The following HPCAL1 variants were observed in gnomAD, a reference collection of about 807,000 sequenced individuals.
HPCAL1 encodes hippocalcin-like protein 1.
A neutral mutation model predicts 17.1 loss-of-function variants in HPCAL1; 8 were observed. The observed-to-expected ratio is 0.47, with a 90% CI of 0.27 to 0.84. The LOEUF (loss-of-function observed/expected upper bound fraction) is 0.84, where lower values mean the gene tolerates loss of function less well. HPCAL1 is among the 40% of genes least tolerant of loss of function. The probability of loss-of-function intolerance (pLI) is 0.13; values close to 1 mark genes in which losing one functional copy is unlikely to be tolerated. For synonymous variants in HPCAL1, 112 were observed against 111.4 expected (o/e 1.01, Z -0.03); for missense variants, 165 against 271.1 (o/e 0.61, Z 2.75).
chr2:10,326,694 C>G (rs112365838), intron 1 of HPCAL1, among the ~76,000 whole-genome samples: 1 of 152,160 alleles, frequency 6.6e-6, no homozygotes, highest in African/African-American at 2.4e-5. Context: ...TTCTGTCCAG[C>G]GCCCCTGGTC....
intron 1 of HPCAL1, among the ~76,000 whole-genome samples, chr2:10,340,338 A>G (rs1033876196): frequency 6.6e-6 from 1 of 152,172 alleles, no homozygotes; most frequent in Non-Finnish European, 1.5e-5. Context: ...CTTTCTAACC[A>G]TGTAAGGTGT....
chr2:10,332,564 G>A (rs1664452232), intron 1 of HPCAL1, among the ~76,000 whole-genome samples: 1 of 152,146 alleles, frequency 6.6e-6, no homozygotes, highest in African/African-American at 2.4e-5. Context: ...TGGGCTGCAG[G>A]CTTGGAGGAA....
chr2:10,406,788 G>A (rs978009928), intron 2 of HPCAL1, among the ~76,000 whole-genome samples: 3 of 152,226 alleles, frequency 2.0e-5, no homozygotes, highest in Non-Finnish European at 4.4e-5. Context: ...TGGGTCGGGG[G>A]TTGCTTTCAG....
At chr2:10,418,185 G>C (rs1670792840) in intron 2 of HPCAL1, among the ~76,000 whole-genome samples, 1 of 152,146 alleles carries the variant, frequency 6.6e-6, no homozygotes, top group South Asian at 2.1e-4. Flanking sequence ...GAGAGGCCAA[G>C]GCAGGCGAAT....
intron 1 of HPCAL1, among the ~76,000 whole-genome samples, chr2:10,382,435 T>G (rs543801846): frequency 6.6e-6 from 1 of 151,972 alleles, no homozygotes; most frequent in Non-Finnish European, 1.5e-5. Context: ...ACCTACGGAC[T>G]TGGGTGATAA....
chr2:10,382,584 T>C (rs566532579), intron 1 of HPCAL1, among the ~76,000 whole-genome samples: 1 of 129,288 alleles, frequency 7.7e-6, no homozygotes, highest in East Asian at 2.3e-4. Flanking sequence ...AAAAATAAAG[T>C]TCATTAATTA....
chr2:10,337,755 C>T (rs1375146015), intron 1 of HPCAL1, among the ~76,000 whole-genome samples: 1 of 152,222 alleles, frequency 6.6e-6, no homozygotes, highest in Non-Finnish European at 1.5e-5. Flanking sequence ...CCTTCCTTCC[C>T]ACCTTCCCTT....
intron 1 of HPCAL1, among the ~76,000 whole-genome samples, chr2:10,361,483 C>T (rs1251399260): frequency 6.6e-6 from 1 of 152,126 alleles, no homozygotes; most frequent in Non-Finnish European, 1.5e-5. Flanking sequence ...CTTGGGAAAC[C>T]AGTCAGGTTT....
At chr2:10,324,516 T>C (rs912668668) in intron 1 of HPCAL1, 4 of 152,196 alleles carry the variant, frequency 2.6e-5, no homozygotes, top group Admixed American at 2.0e-4. Flanking sequence ...TGTGAGTATA[T>C]TGTGGCCATT....
At chr2:10,349,518 A>G (rs1665697338) in intron 1 of HPCAL1, among the ~76,000 whole-genome samples, 1 of 151,590 alleles carries the variant, frequency 6.6e-6, no homozygotes, top group African/African-American at 2.4e-5. Flanking sequence ...CCTGGCTAAC[A>G]CGGTGAAACC....
At chr2:10,360,995 C>T (rs970569435) in intron 1 of HPCAL1, among the ~76,000 whole-genome samples, 8 of 150,338 alleles carry the variant, frequency 5.3e-5, no homozygotes, top group African/African-American at 1.7e-4. Context: ...TGGCGTGTGC[C>T]TTGCGTGTGC....
At chr2:10,424,555 G>T (rs747235052) in intron 4 of HPCAL1, 1 of 471,080 alleles carries the variant, frequency 2.1e-6, no homozygotes, top group Non-Finnish European at 4.4e-6. Flanking sequence ...ATGGTCACTC[G>T]CTGCCCGAAT....
chr2:10,417,170 T>C (rs565880519), intron 2 of HPCAL1, among the ~76,000 whole-genome samples: 1 of 151,654 alleles, frequency 6.6e-6, no homozygotes, highest in African/African-American at 2.4e-5. Flanking sequence ...CGAGACCAGG[T>C]TGGCCAACAT....
At chr2:10,417,242 A>T (rs1670730021) in intron 2 of HPCAL1, among the ~76,000 whole-genome samples, 1 of 152,110 alleles carries the variant, frequency 6.6e-6, no homozygotes, top group Admixed American at 6.5e-5. Flanking sequence ...GCATACCTGT[A>T]ATTCCAGCTA....
intron 1 of HPCAL1, among the ~76,000 whole-genome samples, chr2:10,308,802 T>C (rs1017486116): frequency 6.6e-6 from 1 of 152,222 alleles, no homozygotes; most frequent in Non-Finnish European, 1.5e-5. Flanking sequence ...TATTGATGTG[T>C]CAGGTGATGT....
intron 2 of HPCAL1, among the ~76,000 whole-genome samples, chr2:10,418,042 T>C (rs1670783402): frequency 6.6e-6 from 1 of 151,556 alleles, no homozygotes; most frequent in South Asian, 2.1e-4. Flanking sequence ...TCTCAAAAAA[T>C]AAATAAATAA....
At chr2:10,338,623 A>G (rs777853133) in intron 1 of HPCAL1, among the ~76,000 whole-genome samples, 2 of 152,320 alleles carry the variant, frequency 1.3e-5, no homozygotes, top group Admixed American at 6.5e-5. Flanking sequence ...GTATGAAGTC[A>G]GTAAGCCACA....
chr2:10,413,876 G>C (rs763156258), intron 2 of HPCAL1, among the ~76,000 whole-genome samples: 69 of 152,362 alleles, frequency 4.5e-4, no homozygotes, highest in Non-Finnish European at 4.4e-4. Flanking sequence ...CCAGGGCCTA[G>C]AACTTCACAG....
rs996572435 is a variant in HPCAL1, at chr2:10,344,058, G to A, written c.-111+40881G>A. Among the ~76,000 whole-genome samples, 5 of 152,206 alleles carry A rather than the reference G, an allele frequency of 3.3e-5. No homozygotes were observed. Among genetic ancestry groups the A allele is most frequent in the Non-Finnish European group, 5.9e-5 (4 of 68,034 alleles). ...ACTGGGTTACTGAGCTGTCGAAGGA[G>A]CAGGGATGAAGACTCCCTTATTAAA... is the stretch of plus-strand genomic sequence containing the variant. On this transcript the variant is annotated intron_variant, in intron 1 of 4. Coordinates refer to ENST00000307845, the MANE Select transcript of HPCAL1 (RefSeq NM_002149.4). This position sits in a 1 kb window ranked among gnomAD's most constrained non-coding sequence, Gnocchi z 4.9.
Sources: gnomAD v4.1 joint callset for allele counts (sites outside exome capture counted in the v4.1 genomes callset) on GRCh38, gnomAD v4.1.1 for gene constraint, Gnocchi (gnomAD v3.1) non-coding constraint, MANE v1.5 for transcripts, NCBI Gene and HGNC (gene_info 2026-07-23, HGNC 2026-07-21) for gene names.